CPAMD8: variants seen among roughly 807,000 people sequenced by gnomAD.
CPAMD8 encodes C3 and PZP-like alpha-2-macroglobulin domain-containing protein 8.
Under a neutral mutation model 224.7 loss-of-function variants are expected in CPAMD8, and 146 were observed. The observed-to-expected ratio is 0.65, with a 90% CI of 0.57 to 0.75. The LOEUF (loss-of-function observed/expected upper bound fraction) is 0.75, where lower values mean the gene tolerates loss of function less well. Ranked by LOEUF, CPAMD8 falls within the 30% of genes least tolerant of loss-of-function variation. CPAMD8 has a pLI of 0.00. For synonymous variants in CPAMD8, 966 were observed against 1,044.6 expected (o/e 0.92, Z 1.45); for missense variants, 2,301 against 2,537.5 (o/e 0.91, Z 2.00).
chr19:16,994,515 C>CTTTTTTTT (rs71180347), intron 11 of CPAMD8, among the ~76,000 whole-genome samples: 4 of 105,294 alleles, frequency 3.8e-5, no homozygotes, highest in Non-Finnish European at 5.4e-5. Context: ...TAACCACTCC[C>CTTTTTTTT]TTTTTTTTTT....
Position 16,898,075 on chromosome 19 carries a change from T to G in CPAMD8, c.4849-81A>C. 1.1e-6 allele frequency: 1 copy of G among 925,214 alleles called. No individual in the cohort carries two copies. Among genetic ancestry groups the G allele is most frequent in the South Asian group, 1.5e-5 (1 of 67,092 alleles). 57.3% of individuals were successfully genotyped at this position (925,214 alleles called of 1,614,324 possible). A position where few individuals can be genotyped will look rare whatever the true frequency, so the allele number is the denominator to read the frequency against. ...AGCTCAGGCCCAGAACTGGCTGATTTCAGGGATACCCAGGACGCGTGAAAC... is the reference window on the plus strand; with the variant it reads ...AGCTCAGGCCCAGAACTGGCTGATTGCAGGGATACCCAGGACGCGTGAAAC... On this transcript the variant is annotated intron_variant, in intron 37 of 41. Transcript: ENST00000443236. This position sits in a 1 kb window ranked among gnomAD's most constrained non-coding sequence, Gnocchi z 4.2.
At chr19:16,993,816 T>C (rs1203409512) in intron 11 of CPAMD8, among the ~76,000 whole-genome samples, 1 of 152,182 alleles carries the variant, frequency 6.6e-6, no homozygotes, top group Non-Finnish European at 1.5e-5. Flanking sequence ...CGTGTGCCTG[T>C]GGTCCCAGCT....
intron 40 of CPAMD8, 58 bp downstream of exon 40, chr19:16,896,398 G>A (rs968354318): frequency 3.3e-6 from 5 of 1,510,590 alleles, no homozygotes; most frequent in Non-Finnish European, 4.4e-6. Flanking sequence ...GAGGAGATCC[G>A]TGGCCCAGAG....
At chr19:16,913,346 G>C (rs62129662) in intron 29 of CPAMD8, among the ~76,000 whole-genome samples, 1 of 152,030 alleles carries the variant, frequency 6.6e-6, no homozygotes, top group Admixed American at 6.6e-5. Context: ...ATTAGGTTTA[G>C]ACTGAGGTCA....
At chr19:16,997,461 G>A (rs898790136) in intron 10 of CPAMD8, 123 bp from the exon 11 acceptor site, 16 of 671,674 alleles carry the variant, frequency 2.4e-5, no homozygotes, top group Non-Finnish European at 3.9e-5. Context: ...GGGTCACTTG[G>A]TGGCATACCC....
intron 13 of CPAMD8, among the ~76,000 whole-genome samples, chr19:16,986,050 T>C (rs563415270): frequency 2.0e-5 from 3 of 152,146 alleles, no homozygotes; most frequent in Non-Finnish European, 4.4e-5. Context: ...CTTTCTCCTC[T>C]TCTTTACTAA....
chr19:16,934,285 C>A (rs1462043831), intron 23 of CPAMD8, among the ~76,000 whole-genome samples: 1 of 152,052 alleles, frequency 6.6e-6, no homozygotes, highest in African/African-American at 2.4e-5. Context: ...TTAAAACTCA[C>A]CAAATTGCAC....
chr19:16,997,213 G>C lies in CPAMD8; in HGVS notation c.993C>G (p.Val331=), dbSNP rs764498786. The part of the protein sequence containing the change: ...MVTSVDGSQQ[V]AFDDSTPVQR... The stretch of plus-strand genomic sequence containing the variant: ...GCACGGGGGTGGAGTCATCGAACGC[G>C]ACCTGCTGGCTCCCGTCCACACTGG... The change falls in exon 11 of 42, where the codon GTC becomes GTG. Residue 331 remains valine (V), a synonymous_variant. Transcript: ENST00000443236. 3 of 1,568,948 alleles carry C rather than the reference G, an allele frequency of 1.9e-6. No individual in the cohort carries two copies. Among genetic ancestry groups the C allele is most frequent in the South Asian group, 2.2e-5 (2 of 90,192 alleles).
At chr19:16,970,854 A>G in intron 18 of CPAMD8, 37 bp downstream of exon 18, 1 of 1,604,074 alleles carries the variant, frequency 6.2e-7, no homozygotes, top group Non-Finnish European at 8.5e-7. Context: ...TAATAGGACC[A>G]GGGTTAGAAA....
intron 23 of CPAMD8, among the ~76,000 whole-genome samples, chr19:16,933,546 A>C (rs750450181): frequency 1.5e-4 from 23 of 151,926 alleles, no homozygotes; most frequent in South Asian, 8.3e-4. Flanking sequence ...TTTTTCCACA[A>C]AAAAAAAGAC....
intron 27 of CPAMD8, among the ~76,000 whole-genome samples, chr19:16,916,854 T>C (rs974249672): frequency 1.3e-5 from 2 of 152,218 alleles, no homozygotes; most frequent in Non-Finnish European, 2.9e-5. Context: ...TCTATTCCCA[T>C]GTTCCCTGGA....
chr19:16,961,357 A>T lies in CPAMD8; in HGVS notation c.2214-3442T>A, dbSNP rs370450959. 1.6e-4 allele frequency among the ~76,000 whole-genome samples: 24 copies of T among 152,326 alleles called. No individual in the cohort carries two copies. In the East Asian group the frequency reaches 4.3e-3, roughly 27 times the overall value. On this transcript the variant is annotated intron_variant, in intron 18 of 41. Coordinates refer to ENST00000443236, the MANE Select transcript of CPAMD8 (RefSeq NM_015692.5). ...GTCTTAGCAACCAGCAGACCAGGAGATTCTCTCCCATGCCTGGCTGGGCGG... is the reference window on the plus strand; with the variant it reads ...GTCTTAGCAACCAGCAGACCAGGAGTTTCTCTCCCATGCCTGGCTGGGCGG...
intron 27 of CPAMD8, among the ~76,000 whole-genome samples, chr19:16,919,403 C>A (rs1047122792): frequency 6.7e-6 from 1 of 148,990 alleles, no homozygotes; most frequent in Non-Finnish European, 1.5e-5. Flanking sequence ...GCAACTGAGG[C>A]CTCCTGCCAA....
chr19:16,895,884 TGCGC>T (rs759736085), intron 41 of CPAMD8: 138 of 528,238 alleles, frequency 2.6e-4, no homozygotes, highest in African/African-American at 1.8e-3. Flanking sequence ...TTGACCCGTA[TGCGC>T]GCGCGCGCGC....
In CPAMD8 at chr19:16,980,527, G is replaced by A. The variant is rs1263069642; in HGVS notation, c.1555C>T (p.Pro519Ser). The A allele has an allele frequency of 2.5e-6, 4 of 1,613,816 alleles. No individual in the cohort carries two copies. The African/African-American group carries it at 4.0e-5, about 16-fold the overall frequency. Residue 519 changes from proline to serine, a missense_variant, in exon 14 of 42, where the codon CCG becomes TCG. Around this residue, in one of 4 missense-constraint regions of CPAMD8, gnomAD observed 301 missense variants for 406.6 expected, o/e 0.74. Coordinates refer to ENST00000443236, the MANE Select transcript of CPAMD8 (RefSeq NM_015692.5). The part of the protein sequence containing the change: ...SKRAAPALEK[P>S]IRLTHLSETE... ...TCAGAAAGGTGTGTTAAACGAATCGGTTTCTCCAGGGCAGGGGCCGCCCGC... is the reference window on the plus strand; with the variant it reads ...TCAGAAAGGTGTGTTAAACGAATCGATTTCTCCAGGGCAGGGGCCGCCCGC...
intron 35 of CPAMD8, among the ~76,000 whole-genome samples, chr19:16,902,237 C>T (rs968306841): frequency 1.3e-5 from 2 of 152,130 alleles, no homozygotes; most frequent in East Asian, 3.9e-4. Flanking sequence ...CAAAAACTGG[C>T]TGGGCGAGGT....
chr19:16,944,281 C>T (rs142053548), intron 22 of CPAMD8, among the ~76,000 whole-genome samples: 9 of 152,302 alleles, frequency 5.9e-5, no homozygotes, highest in Non-Finnish European at 1.0e-4. Flanking sequence ...CTAATTGTAG[C>T]TTCATCTTTT....
chr19:16,929,082 G>C lies in CPAMD8; in HGVS notation c.3004C>G (p.Leu1002Val). 6.2e-7 allele frequency: 1 copy of C among 1,614,060 alleles called. No individual in the cohort carries two copies. Among genetic ancestry groups the C allele is most frequent in the Non-Finnish European group, 8.5e-7 (1 of 1,179,964 alleles). ...QDTAGMIEIV[L>V]GGHQNTRSWI... ...GACCTGGTGTTCTGATGCCCCCCCA[G>C]GACGATCTCGATCATGCCTGCTGTG... Residue 1002 changes from leucine (L) to valine (V), a missense_variant, in exon 24 of 42, where the codon CTG (leucine) becomes GTG (valine). Transcript: ENST00000443236.
At chr19:16,985,572 G>A (rs1260001869) in intron 13 of CPAMD8, among the ~76,000 whole-genome samples, 2 of 149,374 alleles carry the variant, frequency 1.3e-5, no homozygotes, top group African/African-American at 4.9e-5. Context: ...AGGAAGGGAA[G>A]GAAGAAAGGA....
Sources: gnomAD v4.1 joint callset for allele counts (sites outside exome capture counted in the v4.1 genomes callset) on GRCh38, gnomAD v4.1.1 for gene constraint, gnomAD v4.1.1 regional missense constraint, Gnocchi (gnomAD v3.1) non-coding constraint, MANE v1.5 for transcripts, NCBI Gene and HGNC (gene_info 2026-07-23, HGNC 2026-07-21) for gene names.